DMD: variants seen among roughly 807,000 people sequenced by gnomAD.
The protein encoded by DMD is mutant dystrophin.
A neutral mutation model predicts 330.1 loss-of-function variants in DMD; 63 were observed. That is an observed-to-expected ratio of 0.19 (90% CI 0.16 to 0.24). DMD has a LOEUF of 0.24. DMD is among the 10% of genes least tolerant of loss of function. DMD has a pLI of 1.00. For synonymous variants in DMD, 1,223 were observed against 959.8 expected (o/e 1.27, Z -5.07); for missense variants, 3,344 against 2,684.1 (o/e 1.25, Z -5.43).
chrX:32,321,381 T>C, intron 41 of DMD, among the ~76,000 whole-genome samples: 1 of 111,352 alleles, frequency 9.0e-6, no homozygotes, highest in East Asian at 2.8e-4. Flanking sequence ...GTTATGTGTA[T>C]CTTGGCACGA....
At chrX:31,148,282 CTTTAAA>C (rs908240461) in intron 74 of DMD, among the ~76,000 whole-genome samples, 4 of 112,283 alleles carry the variant, frequency 3.6e-5, no homozygotes, top group Non-Finnish European at 5.6e-5. Flanking sequence ...TGTTTTTAAA[CTTTAAA>C]TTTAAGAACT....
intron 34 of DMD, among the ~76,000 whole-genome samples, chrX:32,379,391 G>A (rs1339338860): frequency 9.0e-6 from 1 of 110,559 alleles, no homozygotes; most frequent in African/African-American, 3.3e-5. Context: ...TTCATGGTGA[G>A]GCTAATGCAA....
At chrX:32,926,240 T>G (rs769833745) in intron 2 of DMD, among the ~76,000 whole-genome samples, 1 of 112,017 alleles carries the variant, frequency 8.9e-6, no homozygotes, top group Admixed American at 9.4e-5. Flanking sequence ...ATAGGTGGTA[T>G]CTAAAAAGTT....
chrX:32,811,174 TTA>T (rs1491560058), intron 6 of DMD, among the ~76,000 whole-genome samples: 83 of 90,325 alleles, frequency 9.2e-4, no homozygotes, highest in African/African-American at 4.6e-3. Flanking sequence ...TCTCTACAAC[TTA>T]TTAAAAAAAA....
intron 9 of DMD, among the ~76,000 whole-genome samples, chrX:32,660,495 C>T (rs1400329603): frequency 9.0e-6 from 1 of 111,295 alleles, no homozygotes; most frequent in African/African-American, 3.3e-5. Flanking sequence ...ACAGATTTGA[C>T]ATTTCTTTCC....
At chrX:33,293,784 G>A (rs558757647) in intron 1 of DMD, among the ~76,000 whole-genome samples, 1 of 111,486 alleles carries the variant, frequency 9.0e-6, no homozygotes, top group Non-Finnish European at 1.9e-5. Flanking sequence ...CTGCCCAAAC[G>A]TTTTATATTC....
chrX:32,117,369 T>A (rs2096615361), intron 44 of DMD, among the ~76,000 whole-genome samples: 1 of 111,807 alleles, frequency 8.9e-6, no homozygotes, highest in Non-Finnish European at 1.9e-5. Context: ...GAAGTTCATT[T>A]GATACAAGCA....
chrX:31,137,676 A>T (rs748137180), intron 76 of DMD, among the ~76,000 whole-genome samples: 2 of 109,386 alleles, frequency 1.8e-5, no homozygotes, highest in African/African-American at 6.7e-5. Context: ...CCACCCACAC[A>T]CTCTCTCTGT....
intron 60 of DMD, among the ~76,000 whole-genome samples, chrX:31,373,221 T>C (rs1264274264): frequency 1.9e-5 from 2 of 106,496 alleles, no homozygotes; most frequent in Non-Finnish European, 3.9e-5. Context: ...GAAGAATCAA[T>C]ATCGTGAAAA....
chrX:32,367,191 T>A, intron 34 of DMD, among the ~76,000 whole-genome samples: 1 of 111,863 alleles, frequency 8.9e-6, no homozygotes, highest in Middle Eastern at 4.6e-3. Context: ...TTCCTTTTAA[T>A]ACTTTGACTT....
intron 43 of DMD, among the ~76,000 whole-genome samples, chrX:32,222,914 CT>C (rs920049630): frequency 8.9e-6 from 1 of 111,803 alleles, no homozygotes; most frequent in Non-Finnish European, 1.9e-5. Flanking sequence ...CATATATTTA[CT>C]TTTTAAATGC....
chrX:32,498,573 C>G (rs1358690766), intron 19 of DMD, among the ~76,000 whole-genome samples: 1 of 111,226 alleles, frequency 9.0e-6, no homozygotes, highest in African/African-American at 3.3e-5. Flanking sequence ...CAACTCATTT[C>G]TTTGGTTAAA....
rs2090285371 is a variant in DMD at position 32,939,892 on chromosome X, T to A, written c.93+80247A>T. Among the ~76,000 whole-genome samples, 4 of 111,204 alleles carry A rather than the reference T, an allele frequency of 3.6e-5. No individual in the cohort carries two copies. In the South Asian group the frequency reaches 1.5e-3, roughly 42 times the overall value. Reference sequence around the variant, plus strand: ...ATAAATCACAGATGACACAAACAAATAGAAAAACTTTCCATACTCATGGAT... The same window carrying A: ...ATAAATCACAGATGACACAAACAAAAAGAAAAACTTTCCATACTCATGGAT... On this transcript the variant is annotated intron_variant, in intron 2 of 78. Coordinates refer to ENST00000357033, the MANE Select transcript of DMD (RefSeq NM_004006.3).
chrX:31,283,408 G>GC (rs2052775791), intron 62 of DMD, among the ~76,000 whole-genome samples: 1 of 111,333 alleles, frequency 9.0e-6, no homozygotes, highest in Non-Finnish European at 1.9e-5. Context: ...AAATCTACTT[G>GC]CCCCCTACCT....
At chrX:32,442,776 C>A (rs754461134) in intron 27 of DMD, among the ~76,000 whole-genome samples, 8 of 110,275 alleles carry the variant, frequency 7.3e-5, no homozygotes, top group Middle Eastern at 4.6e-3. Flanking sequence ...AAAAATATAC[C>A]GTCATCTTTA....
intron 7 of DMD, among the ~76,000 whole-genome samples, chrX:32,723,322 A>C (rs764617366): frequency 2.7e-5 from 3 of 111,096 alleles, no homozygotes; most frequent in Non-Finnish European, 5.7e-5. Flanking sequence ...TTGTCTTGCT[A>C]ATACTTTATT....
chrX:32,225,313 A>T lies in DMD; in HGVS notation c.6291-8250T>A, dbSNP rs186540518. On this transcript the variant is annotated intron_variant, in intron 43 of 78. Coordinates refer to ENST00000357033, the MANE Select transcript of DMD (RefSeq NM_004006.3). ...CAAATGGATATGGCTGGGATTCAAT[A>T]CTACTTTACAAAAACAAGTGGTGGG... Among the ~76,000 whole-genome samples the T allele has an allele frequency of 1.2e-4, 13 of 111,936 alleles. No homozygotes were observed. In the East Asian group the frequency reaches 3.7e-3, roughly 32 times the overall value.
At chrX:32,004,714 T>A (rs1246375599) in intron 44 of DMD, among the ~76,000 whole-genome samples, 2 of 111,677 alleles carry the variant, frequency 1.8e-5, no homozygotes, top group East Asian at 5.6e-4. Flanking sequence ...CCCAGTTTTA[T>A]TCTTTGTCAC....
At chrX:33,131,397 A>ACTTGGCCAAGTTT (rs1259657647) in intron 1 of DMD, among the ~76,000 whole-genome samples, 1 of 112,101 alleles carries the variant, frequency 8.9e-6, no homozygotes, top group African/African-American at 3.2e-5. Flanking sequence ...GCCAAGTTTG[A>ACTTGGCCAAGTTT]GAATCTGTAC....
Sources: allele counts gnomAD v4.1 joint callset (sites outside exome capture counted in the v4.1 genomes callset), GRCh38; gene constraint gnomAD v4.1.1; transcripts MANE v1.5; gene names NCBI Gene and HGNC (gene_info 2026-07-23, HGNC 2026-07-21).